Variants in FAM83B observed in about 807,000 individuals in gnomAD.
The protein encoded by FAM83B is protein FAM83B.
In FAM83B, 26 loss-of-function variants were observed where a neutral mutation model predicts 38.8. That is an observed-to-expected ratio of 0.67 (90% CI 0.49 to 0.93). FAM83B has a LOEUF of 0.93. Ranked by LOEUF, FAM83B falls within the 40% of genes least tolerant of loss-of-function variation. FAM83B has a pLI of 0.00. For synonymous variants in FAM83B, 419 were observed against 423.1 expected (o/e 0.99, Z 0.12); for missense variants, 1,237 against 1,197.3 (o/e 1.03, Z -0.49).
intron 2 of FAM83B, among the ~76,000 whole-genome samples, chr6:54,919,496 T>C (rs1195975988): frequency 6.6e-5 from 10 of 152,026 alleles, no homozygotes. Context: ...ATAATCTAGA[T>C]TTTTCCCCCC....
rs185889201 is a variant in FAM83B at position 54,893,254 on chromosome 6, T to C, written c.444+22564T>C. On this transcript the variant is annotated intron_variant, in intron 2 of 4. Coordinates refer to ENST00000306858, the MANE Select transcript of FAM83B (RefSeq NM_001010872.3). ...GCAGCAATAGATAACTAATACAGTA[T>C]ATTTTCGAGGAGATCTAGTCTCTAT... Among the ~76,000 whole-genome samples the C allele has an allele frequency of 2.5e-3, 379 of 152,320 alleles. 2 individuals are homozygous for C. Among genetic ancestry groups the C allele is most frequent in the African/African-American group, 8.6e-3 (359 of 41,572 alleles).
At chr6:54,854,660 A>G (rs1771399133) in intron 1 of FAM83B, among the ~76,000 whole-genome samples, 1 of 152,210 alleles carries the variant, frequency 6.6e-6, no homozygotes, top group South Asian at 2.1e-4. Context: ...TAACTTATAT[A>G]TGCACTGGGA....
chr6:54,866,721 T>A (rs1236519474), intron 1 of FAM83B, among the ~76,000 whole-genome samples: 3 of 152,274 alleles, frequency 2.0e-5, no homozygotes, highest in African/African-American at 7.2e-5. Flanking sequence ...CTATTATGAA[T>A]AGAGCTGCTA....
chr6:54,865,258 A>T (rs902174814), intron 1 of FAM83B, among the ~76,000 whole-genome samples: 1 of 151,996 alleles, frequency 6.6e-6, no homozygotes, highest in African/African-American at 2.4e-5. Flanking sequence ...TGTTCCATGC[A>T]TTTCTCTTAT....
Position 54,941,469 on chromosome 6 carries a change from C to A in FAM83B, c.2498C>A (p.Ser833Tyr). ...KVDSSPRRKH[S>Y]SSSNSQGSIH... ...GATTCATCTCCTAGAAGAAAGCATT[C>A]TTCCTCATCGAATTCTCAAGGCAGC... Residue 833 changes from serine to tyrosine, a missense_variant, in exon 5 of 5, where the codon TCT (serine) becomes TAT (tyrosine). Ser to Tyr is a moderately radical substitution (Grantham distance 144). Coordinates refer to ENST00000306858, the MANE Select transcript of FAM83B (RefSeq NM_001010872.3). The A allele has an allele frequency of 1.2e-6, 2 of 1,613,758 alleles. No individual in the cohort carries two copies. The highest frequency in any genetic ancestry group is 1.7e-6 in the Non-Finnish European group (2 of 1,179,942).
chr6:54,885,805 C>G (rs190053395), intron 2 of FAM83B, among the ~76,000 whole-genome samples: 1 of 109,604 alleles, frequency 9.1e-6, no homozygotes, highest in East Asian at 2.8e-4. Flanking sequence ...CATCACACAC[C>G]GGGGACTGTT....
intron 2 of FAM83B, among the ~76,000 whole-genome samples, chr6:54,924,591 T>C (rs1026447923): frequency 2.6e-5 from 4 of 151,894 alleles, no homozygotes; most frequent in Admixed American, 2.6e-4. Flanking sequence ...TGTTCAGTAT[T>C]CCACCTGCCC....
intron 2 of FAM83B, among the ~76,000 whole-genome samples, chr6:54,871,011 A>T (rs941881849): frequency 6.6e-6 from 1 of 152,164 alleles, no homozygotes; most frequent in African/African-American, 2.4e-5. Flanking sequence ...TAAAGCACCT[A>T]AATTTTTCTT....
chr6:54,926,006 C>G (rs1773279491), intron 2 of FAM83B, among the ~76,000 whole-genome samples: 1 of 152,062 alleles, frequency 6.6e-6, no homozygotes, highest in Non-Finnish European at 1.5e-5. Context: ...CCTACTTTCC[C>G]CTGGAAATGC....
intron 4 of FAM83B, among the ~76,000 whole-genome samples, chr6:54,929,886 T>C (rs1049479129): frequency 5.3e-5 from 8 of 152,032 alleles, no homozygotes; most frequent in African/African-American, 1.9e-4. Context: ...TACTAAAATA[T>C]GTGCAGTACA....
intron 1 of FAM83B, among the ~76,000 whole-genome samples, chr6:54,856,302 T>C (rs1771445660): frequency 6.6e-6 from 1 of 152,216 alleles, no homozygotes. Context: ...CCCACTGTTA[T>C]GCTGACATAG....
At chr6:54,923,829 TCTTTA>T (rs1222268070) in intron 2 of FAM83B, among the ~76,000 whole-genome samples, 4 of 151,898 alleles carry the variant, frequency 2.6e-5, no homozygotes, top group African/African-American at 4.8e-5. Context: ...CAGTTACTAG[TCTTTA>T]CTTTACTTTC....
intron 2 of FAM83B, among the ~76,000 whole-genome samples, chr6:54,880,194 G>A (rs1032136762): frequency 6.6e-6 from 1 of 152,168 alleles, no homozygotes; most frequent in South Asian, 2.1e-4. Flanking sequence ...ATATTTGAGG[G>A]ATATGGTAAA....
rs950263716 is a variant in FAM83B at position 54,943,861 on chromosome 6, A to T, written c.*1854A>T. The T allele has an allele frequency of 6.6e-6, 1 of 152,214 alleles. No individual in the cohort carries two copies. Among genetic ancestry groups the T allele is most frequent in the Admixed American group, 6.5e-5 (1 of 15,282 alleles). 9.4% of individuals were successfully genotyped at this position (152,214 alleles called of 1,614,324 possible). Reference sequence around the variant, plus strand: ...TAGAAGTTTAATCATGTTTAATTACAACCAAAAGCCTGTTGCCTTTTTGTA... The same window carrying T: ...TAGAAGTTTAATCATGTTTAATTACTACCAAAAGCCTGTTGCCTTTTTGTA... On this transcript the variant is annotated 3_prime_UTR_variant, in exon 5 of 5. Coordinates refer to ENST00000306858, the MANE Select transcript of FAM83B (RefSeq NM_001010872.3).
intron 2 of FAM83B, among the ~76,000 whole-genome samples, chr6:54,875,541 A>T (rs1173686207): frequency 2.0e-5 from 3 of 152,288 alleles, no homozygotes; most frequent in East Asian, 1.9e-4. Context: ...TGGGACATTA[A>T]GTTGAACATT....
chr6:54,933,745 T>C (rs1215258143), intron 4 of FAM83B, among the ~76,000 whole-genome samples: 1 of 152,182 alleles, frequency 6.6e-6, no homozygotes, highest in East Asian at 1.9e-4. Flanking sequence ...AGGTTTAACA[T>C]GCTGCTTACC....
At chr6:54,937,137 GTC>G (rs1773538709) in intron 4 of FAM83B, among the ~76,000 whole-genome samples, 1 of 151,476 alleles carries the variant, frequency 6.6e-6, no homozygotes, top group African/African-American at 2.4e-5. Context: ...TGTGGAGAGT[GTC>G]TCTTTTTTCT....
chr6:54,922,591 A>G (rs144206835), intron 2 of FAM83B, among the ~76,000 whole-genome samples: 2 of 152,110 alleles, frequency 1.3e-5, no homozygotes, highest in East Asian at 3.9e-4. Context: ...CTGGCTCCTC[A>G]TACCATTTAT....
chr6:54,898,627 C>T (rs1462318263), intron 2 of FAM83B, among the ~76,000 whole-genome samples: 2 of 152,176 alleles, frequency 1.3e-5, no homozygotes, highest in African/African-American at 4.8e-5. Flanking sequence ...TAGCTTCTGA[C>T]TAGGATAATG....
Sources: gnomAD v4.1 joint callset for allele counts (sites outside exome capture counted in the v4.1 genomes callset) on GRCh38, gnomAD v4.1.1 for gene constraint, MANE v1.5 for transcripts, NCBI Gene and HGNC (gene_info 2026-07-23, HGNC 2026-07-21) for gene names.